Variants in PDE4D observed in about 807,000 individuals in gnomAD.
PDE4D encodes the protein 3',5'-cyclic-AMP phosphodiesterase 4D.
Under a neutral mutation model 87.4 loss-of-function variants are expected in PDE4D, and 24 were observed. The ratio of observed to expected loss-of-function variants is 0.27; its 90% CI spans 0.20 to 0.39. The LOEUF (loss-of-function observed/expected upper bound fraction) is 0.39. PDE4D is among the 10% of genes least tolerant of loss of function. The pLI, the probability that PDE4D is intolerant of heterozygous loss-of-function variation, is 1.00. For synonymous variants in PDE4D, 384 were observed against 383.2 expected (o/e 1.00, Z -0.02); for missense variants, 714 against 1,041.0 (o/e 0.69, Z 4.32).
intron 1 of PDE4D, among the ~76,000 whole-genome samples, chr5:59,402,638 C>G (rs1401339628): frequency 6.6e-6 from 1 of 152,072 alleles, no homozygotes; most frequent in Non-Finnish European, 1.5e-5. Context: ...CATTTATATC[C>G]AGAAATTTGG....
At chr5:60,040,805 A>T (rs1475461609) in intron 2 of PDE4D, among the ~76,000 whole-genome samples, 1 of 152,132 alleles carries the variant, frequency 6.6e-6, no homozygotes, top group Non-Finnish European at 1.5e-5. Flanking sequence ...TATTACCCTA[A>T]ATGTTAATTC....
intron 2 of PDE4D, among the ~76,000 whole-genome samples, chr5:60,083,562 A>G (rs1330000936): frequency 6.6e-6 from 1 of 152,240 alleles, no homozygotes; most frequent in African/African-American, 2.4e-5. Flanking sequence ...GAAGATGGCA[A>G]ACAGTATGGA....
At chr5:60,229,224 C>T (rs1745520527) in intron 1 of PDE4D, among the ~76,000 whole-genome samples, 1 of 152,056 alleles carries the variant, frequency 6.6e-6, no homozygotes, top group Non-Finnish European at 1.5e-5. Context: ...AACATCCTGG[C>T]ACTTCAATAT....
At chr5:60,242,125 C>G (rs1459668923) in intron 1 of PDE4D, among the ~76,000 whole-genome samples, 1 of 151,720 alleles carries the variant, frequency 6.6e-6, no homozygotes, top group Non-Finnish European at 1.5e-5. Flanking sequence ...CAGACTGAAA[C>G]TAAAAGGGTG....
intron 1 of PDE4D, among the ~76,000 whole-genome samples, chr5:59,819,679 G>C (rs1581250488): frequency 6.6e-6 from 1 of 152,192 alleles, no homozygotes; most frequent in African/African-American, 2.4e-5. Context: ...TACACCGTGA[G>C]TCAAATGAAG....
At chr5:60,076,577 G>A (rs78613975) in intron 2 of PDE4D, among the ~76,000 whole-genome samples, 22 of 152,190 alleles carry the variant, frequency 1.4e-4, no homozygotes, top group Admixed American at 1.4e-3. Flanking sequence ...ATTTCTGGAA[G>A]ATTTTAGGGG....
intron 1 of PDE4D, among the ~76,000 whole-genome samples, chr5:59,584,215 G>T (rs141163340): frequency 0.01 from 1,530 of 152,212 alleles, 19 homozygotes; most frequent in African/African-American, 0.035. Context: ...TGCAGTACTG[G>T]AAGGGGAGGC....
chr5:60,323,615 A>G (rs1677001827), intron 1 of PDE4D, among the ~76,000 whole-genome samples: 1 of 152,128 alleles, frequency 6.6e-6, no homozygotes, highest in South Asian at 2.1e-4. Context: ...AGAGCTGTCT[A>G]AATAACAAAT....
At chr5:59,052,761 C>T (rs1305709831) in intron 5 of PDE4D, among the ~76,000 whole-genome samples, 3 of 152,138 alleles carry the variant, frequency 2.0e-5, no homozygotes, top group African/African-American at 4.8e-5. Context: ...TAGAAGGTGG[C>T]CTCCAGGCCA....
intron 1 of PDE4D, among the ~76,000 whole-genome samples, chr5:59,628,950 T>C (rs1335704022): frequency 6.6e-6 from 1 of 152,146 alleles, no homozygotes; most frequent in Non-Finnish European, 1.5e-5. Flanking sequence ...TAACATGTCC[T>C]TCTTCACATA....
At chr5:60,369,893 T>G (rs1282221898) in intron 1 of PDE4D, among the ~76,000 whole-genome samples, 1 of 152,234 alleles carries the variant, frequency 6.6e-6, no homozygotes, top group Admixed American at 6.5e-5. Context: ...TTCATGAGTT[T>G]TTAACCAGAC....
intron 1 of PDE4D, among the ~76,000 whole-genome samples, chr5:59,575,702 A>G (rs1357171505): frequency 6.6e-6 from 1 of 152,198 alleles, no homozygotes; most frequent in South Asian, 2.1e-4. Flanking sequence ...TTCCCAGGAC[A>G]CAATTCTGGA....
chr5:59,170,700 TACAA>T (rs1336394301), intron 5 of PDE4D, among the ~76,000 whole-genome samples: 1 of 152,180 alleles, frequency 6.6e-6, no homozygotes, highest in East Asian at 1.9e-4. Context: ...TTCCTTAAAA[TACAA>T]ACATTTTTCC....
chr5:59,178,570 T>C (rs139524083), intron 5 of PDE4D, among the ~76,000 whole-genome samples: 6 of 152,264 alleles, frequency 3.9e-5, no homozygotes, highest in African/African-American at 1.4e-4. Context: ...CCTTTGAGTG[T>C]AGCTACTCTC....
intron 1 of PDE4D, among the ~76,000 whole-genome samples, chr5:59,845,125 C>T (rs536120868): frequency 3.3e-5 from 5 of 152,188 alleles, no homozygotes; most frequent in Admixed American, 2.6e-4. Context: ...GAGCCCCAGA[C>T]ATGAATGCCA....
chr5:60,480,298 C>T (rs1402481334), intron 1 of PDE4D, among the ~76,000 whole-genome samples: 1 of 151,882 alleles, frequency 6.6e-6, no homozygotes, highest in Admixed American at 6.6e-5. Context: ...TAATCAGTTC[C>T]CCAAATAATA....
At chr5:59,418,895 C>T (rs1794057692) in intron 1 of PDE4D, among the ~76,000 whole-genome samples, 1 of 152,082 alleles carries the variant, frequency 6.6e-6, no homozygotes, top group Non-Finnish European at 1.5e-5. Flanking sequence ...AATGATCTGC[C>T]CACCTTGGCC....
rs139231057 is a variant in PDE4D, at chr5:59,747,332, G to T, written c.455+145836C>A. The stretch of plus-strand genomic sequence containing the variant: ...TAGTGAGCTTAGAGTAAATATGGCA[G>T]CATAATCACTTCTTTGCATATCCTT... On this transcript the variant is annotated intron_variant, in intron 1 of 14. Transcript: ENST00000340635. 7.9e-5 allele frequency among the ~76,000 whole-genome samples: 12 copies of T among 152,246 alleles called. No individual in the cohort carries two copies. The East Asian group carries it at 2.3e-3, about 29-fold the overall frequency.
intron 1 of PDE4D, among the ~76,000 whole-genome samples, chr5:59,661,098 T>TATATATA (rs1554055015): frequency 1.4e-4 from 14 of 101,132 alleles, no homozygotes; most frequent in African/African-American, 4.2e-5. Flanking sequence ...ATATATATAT[T>TATATATA]TTGTCATCTA....
Sources: gnomAD v4.1 joint callset for allele counts (sites outside exome capture counted in the v4.1 genomes callset) on GRCh38, gnomAD v4.1.1 for gene constraint, MANE v1.5 for transcripts, NCBI Gene and HGNC (gene_info 2026-07-23, HGNC 2026-07-21) for gene names.